The following PCDH7 variants were observed in gnomAD, a reference collection of about 807,000 sequenced individuals.
The protein encoded by PCDH7 is protocadherin-7.
PCDH7 carries 17 observed loss-of-function variants against 58.9 expected under a neutral mutation model. The observed-to-expected ratio is 0.29, with a 90% CI of 0.20 to 0.43. The LOEUF (loss-of-function observed/expected upper bound fraction) is 0.43. Among genes scored for constraint, PCDH7 ranks in the 20% least tolerant of loss-of-function variants. The pLI is 1.00. For missense variants in PCDH7, 1,274 were observed against 1,441.0 expected (o/e 0.88, Z 1.88); for synonymous variants, 664 against 616.4 (o/e 1.08, Z -1.14).
At chr4:30,914,727 T>TGAG (rs1346898281) in intron 1 of PCDH7, among the ~76,000 whole-genome samples, 1 of 152,186 alleles carries the variant, frequency 6.6e-6, no homozygotes, top group Non-Finnish European at 1.5e-5. Context: ...TATATGTCTT[T>TGAG]GAGGGAGCTT....
At chr4:31,109,165 T>C (rs1257342791) in intron 3 of PCDH7, among the ~76,000 whole-genome samples, 2 of 152,134 alleles carry the variant, frequency 1.3e-5, no homozygotes, top group African/African-American at 4.8e-5. Context: ...TCAAAGCAAG[T>C]CTCAAGGCTA....
intron 3 of PCDH7, among the ~76,000 whole-genome samples, chr4:31,068,496 C>T (rs1002373137): frequency 6.6e-6 from 1 of 151,994 alleles, no homozygotes; most frequent in Admixed American, 6.6e-5. Flanking sequence ...AACCACATTT[C>T]AGCACAAAGA....
chr4:30,758,945 T>TTG (rs1196373918), intron 1 of PCDH7, among the ~76,000 whole-genome samples: 2 of 148,846 alleles, frequency 1.3e-5, no homozygotes, highest in African/African-American at 5.0e-5. Context: ...GAAGTGTTTT[T>TTG]TTTTTTTTTT....
At chr4:30,744,596 T>C (rs1171548068) in intron 1 of PCDH7, among the ~76,000 whole-genome samples, 1 of 152,172 alleles carries the variant, frequency 6.6e-6, no homozygotes, top group South Asian at 2.1e-4. Context: ...ATGGGAACCA[T>C]ATGTACCCTG....
chr4:30,837,852 A>T (rs561158921), intron 1 of PCDH7, among the ~76,000 whole-genome samples: 1 of 148,300 alleles, frequency 6.7e-6, no homozygotes, highest in Non-Finnish European at 1.5e-5. Context: ...AATTGATTTT[A>T]TATATATAAT....
At chr4:30,964,415 G>A (rs1280695181) in intron 3 of PCDH7, among the ~76,000 whole-genome samples, 3 of 151,626 alleles carry the variant, frequency 2.0e-5, no homozygotes, top group East Asian at 3.9e-4. Context: ...CTAATTTTTT[G>A]TATTTTTAGT....
At chr4:31,079,652 G>A (rs565862876) in intron 3 of PCDH7, among the ~76,000 whole-genome samples, 1 of 151,644 alleles carries the variant, frequency 6.6e-6, no homozygotes, top group Non-Finnish European at 1.5e-5. Flanking sequence ...AGCTGGTAAA[G>A]TTCTAGATAA....
At chr4:30,920,394 C>T in intron 2 of PCDH7, 25 bp downstream of exon 2, 1 of 1,351,678 alleles carries the variant, frequency 7.4e-7, no homozygotes, top group Non-Finnish European at 9.9e-7. Flanking sequence ...AACATCCACA[C>T]ACATAATCAC....
chr4:31,080,219 T>G (rs2109267386), intron 3 of PCDH7, among the ~76,000 whole-genome samples: 1 of 152,308 alleles, frequency 6.6e-6, no homozygotes, highest in African/African-American at 2.4e-5. Context: ...TTGTAAAATG[T>G]CACCTGATTT....
intron 3 of PCDH7, among the ~76,000 whole-genome samples, chr4:31,057,031 G>T (rs920396423): frequency 6.6e-6 from 1 of 152,084 alleles, no homozygotes; most frequent in Non-Finnish European, 1.5e-5. Flanking sequence ...GAAAAAATGC[G>T]TTATTAAATA....
At chr4:30,858,165 T>A (rs10010742) in intron 1 of PCDH7, among the ~76,000 whole-genome samples, 4,286 of 152,276 alleles carry the variant, frequency 0.028, 192 homozygotes, top group African/African-American at 0.095. Context: ...CCATTCCTTC[T>A]ATCAAAGCTA....
At chr4:31,015,219 T>C (rs952054723) in intron 3 of PCDH7, among the ~76,000 whole-genome samples, 1 of 152,204 alleles carries the variant, frequency 6.6e-6, no homozygotes. Context: ...TGTCTTTTTC[T>C]GTCAGAAAAT....
At chr4:31,030,013 G>A (rs1754761947) in intron 3 of PCDH7, among the ~76,000 whole-genome samples, 1 of 152,126 alleles carries the variant, frequency 6.6e-6, no homozygotes, top group Non-Finnish European at 1.5e-5. Flanking sequence ...AGTCATGAAT[G>A]AATTAGCTAC....
intron 1 of PCDH7, among the ~76,000 whole-genome samples, chr4:30,767,115 C>T (rs1324790525): frequency 6.6e-6 from 1 of 152,028 alleles, no homozygotes; most frequent in Non-Finnish European, 1.5e-5. Flanking sequence ...TACAAATTCT[C>T]ATAGTAATAA....
chr4:30,967,442 T>C (rs1749095280), intron 3 of PCDH7, among the ~76,000 whole-genome samples: 1 of 152,156 alleles, frequency 6.6e-6, no homozygotes. Flanking sequence ...GATGTCTTTC[T>C]TACTCTGCTG....
chr4:30,979,563 C>T (rs564822823), intron 3 of PCDH7, among the ~76,000 whole-genome samples: 26 of 151,796 alleles, frequency 1.7e-4, no homozygotes, highest in African/African-American at 5.6e-4. Context: ...TATTTTCTTC[C>T]ATGTCATACC....
chr4:30,766,950 T>C (rs1310703079), intron 1 of PCDH7, among the ~76,000 whole-genome samples: 3 of 152,154 alleles, frequency 2.0e-5, no homozygotes, highest in Admixed American at 6.5e-5. Context: ...GGGCTTACAG[T>C]TGTGAAAGAT....
At chr4:31,001,811 GT>G (rs1752383240) in intron 3 of PCDH7, among the ~76,000 whole-genome samples, 1 of 152,024 alleles carries the variant, frequency 6.6e-6, no homozygotes, top group Admixed American at 6.5e-5. Flanking sequence ...AGTTCAATAT[GT>G]TCATATTTGT....
At chr4:30,894,062 T>C (rs79557744) in intron 1 of PCDH7, among the ~76,000 whole-genome samples, 3,565 of 152,172 alleles carry the variant, frequency 0.023, 142 homozygotes, top group African/African-American at 0.081. Flanking sequence ...TTTCTGATAA[T>C]AAATTATTAT....
Sources: gnomAD v4.1 joint callset for allele counts (sites outside exome capture counted in the v4.1 genomes callset) on GRCh38, gnomAD v4.1.1 for gene constraint, MANE v1.5 for transcripts, NCBI Gene and HGNC (gene_info 2026-07-23, HGNC 2026-07-21) for gene names.